Variants in CSTF3 observed in about 807,000 individuals in gnomAD.
CSTF3 encodes the protein CF-1 77 kDa subunit.
A neutral mutation model predicts 105.8 loss-of-function variants in CSTF3; 29 were observed. The observed-to-expected ratio is 0.27, with a 90% CI of 0.20 to 0.37. The LOEUF (loss-of-function observed/expected upper bound fraction) is 0.37, where lower values mean the gene tolerates loss of function less well. Among genes scored for constraint, CSTF3 ranks in the 10% least tolerant of loss-of-function variants. The pLI is 1.00. For synonymous variants in CSTF3, 252 were observed against 281.9 expected (o/e 0.89, Z 1.06); for missense variants, 357 against 879.3 (o/e 0.41, Z 7.51).
chr11:33,095,830 A>ATAAATAAC (rs1855217563), intron 15 of CSTF3, among the ~76,000 whole-genome samples: 1 of 150,722 alleles, frequency 6.6e-6, no homozygotes, highest in African/African-American at 2.4e-5. Flanking sequence ...AAATAAATAA[A>ATAAATAAC]TAAATAAATA....
At position 33,099,562 on chromosome 11, in the gene CSTF3, C is replaced by T. The variant is rs1037013340; in HGVS notation, c.936+46G>A. ...ATTTTTCAGTAAATAATTGCTATAT[C>T]AAAACCACAAAAATATCAAAGTGGG... On this transcript the variant is annotated intron_variant, in intron 11 of 20. Transcript: ENST00000323959. The surrounding 1 kb of genome is among the most constrained non-coding windows in gnomAD (Gnocchi z 4.1). 6.9e-6 allele frequency: 9 copies of T among 1,302,298 alleles called. No homozygotes were observed. Among genetic ancestry groups the T allele is most frequent in the Non-Finnish European group, 8.7e-6 (8 of 921,982 alleles). The allele number at this position is 1,302,298 out of a possible 1,614,324, so 80.7% of individuals were successfully genotyped here.
chr11:33,112,264 A>C (rs1239099620), intron 3 of CSTF3, among the ~76,000 whole-genome samples: 1 of 152,164 alleles, frequency 6.6e-6, no homozygotes, highest in Non-Finnish European at 1.5e-5. Flanking sequence ...GGAAAAAAAA[A>C]AAAAATCATC....
At chr11:33,140,633 T>C (rs1486774381) in intron 3 of CSTF3, among the ~76,000 whole-genome samples, 1 of 152,114 alleles carries the variant, frequency 6.6e-6, no homozygotes, top group African/African-American at 2.4e-5. Context: ...TATTCAGTAC[T>C]GCTGATGACC....
chr11:33,153,603 A>G (rs939684580), intron 1 of CSTF3, among the ~76,000 whole-genome samples: 2 of 151,994 alleles, frequency 1.3e-5, no homozygotes, highest in Non-Finnish European at 2.9e-5. Context: ...ACGCCAATGC[A>G]CTGCAGCCTG....
chr11:33,137,479 T>C (rs1200271485), intron 3 of CSTF3, among the ~76,000 whole-genome samples: 4 of 151,814 alleles, frequency 2.6e-5, no homozygotes, highest in African/African-American at 9.7e-5. Flanking sequence ...TGGAATCAGA[T>C]AATTCAATAA....
In CSTF3 at chr11:33,084,765, A is replaced by AAAAT; in HGVS notation, c.*318_*321dup. Reference sequence around the variant, plus strand: ...TACAATCATAAGCCATCCAGTTTTTAAAATAAAACTGTTGAAAAACTCACA... The same window carrying AAAAT: ...TACAATCATAAGCCATCCAGTTTTTAAAATAAATAAAACTGTTGAAAAACTCACA... On this transcript the variant is annotated 3_prime_UTR_variant, in exon 21 of 21. Transcript: ENST00000323959. 1 of 309,398 alleles carries AAAAT rather than the reference A, an allele frequency of 3.2e-6. No individual in the cohort carries two copies. Among genetic ancestry groups the AAAAT allele is most frequent in the Non-Finnish European group, 6.1e-6 (1 of 163,836 alleles). The allele number at this position is 309,398 out of a possible 1,614,324, so 19.2% of individuals were successfully genotyped here. A position where few individuals can be genotyped will look rare whatever the true frequency, so the allele number is the denominator to read the frequency against.
At chr11:33,154,183 G>GA (rs1286676614) in intron 1 of CSTF3, among the ~76,000 whole-genome samples, 1 of 152,134 alleles carries the variant, frequency 6.6e-6, no homozygotes, top group East Asian at 1.9e-4. Context: ...CAGCCCCACT[G>GA]AACAGTTAGG....
At chr11:33,108,309 T>G (rs1212533295) in intron 4 of CSTF3, 77 bp downstream of exon 4, 17 of 1,228,118 alleles carry the variant, frequency 1.4e-5, no homozygotes, top group Middle Eastern at 2.0e-4. Context: ...ATTATTAACA[T>G]TTTACTACAT....
At chr11:33,128,808 C>G (rs576281283) in intron 3 of CSTF3, among the ~76,000 whole-genome samples, 1 of 152,242 alleles carries the variant, frequency 6.6e-6, no homozygotes, top group Non-Finnish European at 1.5e-5. Flanking sequence ...AATCATCAAG[C>G]TAAAATTGTT....
chr11:33,142,493 A>G (rs1855725341), intron 1 of CSTF3, among the ~76,000 whole-genome samples: 1 of 152,192 alleles, frequency 6.6e-6, no homozygotes, highest in Non-Finnish European at 1.5e-5. Flanking sequence ...TGTAATCAGA[A>G]GTAACTTGCA....
chr11:33,131,730 T>C (rs1343035953), intron 3 of CSTF3, among the ~76,000 whole-genome samples: 1 of 150,828 alleles, frequency 6.6e-6, no homozygotes, highest in Non-Finnish European at 1.5e-5. Flanking sequence ...CGGGCGCCTG[T>C]AGTCCCAGCT....
intron 3 of CSTF3, among the ~76,000 whole-genome samples, chr11:33,121,053 C>T (rs773397423): frequency 3.3e-5 from 5 of 151,978 alleles, no homozygotes; most frequent in African/African-American, 9.7e-5. Flanking sequence ...ACACCCAAAT[C>T]AATTCCATTT....
intron 5 of CSTF3, among the ~76,000 whole-genome samples, chr11:33,107,471 T>C (rs1451898081): frequency 1.3e-5 from 2 of 152,102 alleles, no homozygotes; most frequent in East Asian, 3.8e-4. Context: ...GGGAGGTGGG[T>C]ATAATTCGGA....
At chr11:33,127,094 G>A (rs1327713267) in intron 3 of CSTF3, among the ~76,000 whole-genome samples, 2 of 152,172 alleles carry the variant, frequency 1.3e-5, no homozygotes, top group Admixed American at 6.5e-5. Flanking sequence ...CCCTAAGGGA[G>A]GAATGTCTGG....
chr11:33,121,371 A>G (rs1260415196), intron 3 of CSTF3, among the ~76,000 whole-genome samples: 6 of 152,120 alleles, frequency 3.9e-5, no homozygotes, highest in Non-Finnish European at 8.8e-5. Context: ...AAAATCTACT[A>G]GATTTTAAAA....
At chr11:33,117,373 A>G (rs1258918242) in intron 3 of CSTF3, among the ~76,000 whole-genome samples, 1 of 152,050 alleles carries the variant, frequency 6.6e-6, no homozygotes, top group African/African-American at 2.4e-5. Context: ...GGATCTGGCA[A>G]TAAGAAACTC....
chr11:33,086,497 G>C (rs1472233908), intron 18 of CSTF3, among the ~76,000 whole-genome samples: 2 of 151,624 alleles, frequency 1.3e-5, no homozygotes, highest in African/African-American at 2.4e-5. Context: ...GAGTGCAATG[G>C]CACCATCTTG....
Position 33,099,253 on chromosome 11 carries a change from G to C in CSTF3, c.937-103C>G. On this transcript the variant is annotated intron_variant, in intron 11 of 20. Transcript: ENST00000323959. This position sits in a 1 kb window ranked among gnomAD's most constrained non-coding sequence, Gnocchi z 4.1. ...TACTTTATTTTATTTATGTGTCTAA[G>C]AAAGCATACATGTATGTACACACAT... is the stretch of plus-strand genomic sequence containing the variant. 1 of 1,367,992 alleles carries C rather than the reference G, an allele frequency of 7.3e-7. No homozygotes were observed. Among genetic ancestry groups the C allele is most frequent in the Non-Finnish European group, 9.9e-7 (1 of 1,009,004 alleles). The allele number at this position is 1,367,992 out of a possible 1,614,324, so 84.7% of individuals were successfully genotyped here.
chr11:33,154,491 C>CTTTTTTT (rs34462847), intron 1 of CSTF3, among the ~76,000 whole-genome samples: 2 of 60,894 alleles, frequency 3.3e-5, no homozygotes, highest in Non-Finnish European at 4.9e-5. Context: ...GTAAGACTTT[C>CTTTTTTT]TTTTTTTTTT....
Sources: allele counts gnomAD v4.1 joint callset (sites outside exome capture counted in the v4.1 genomes callset), GRCh38; gene constraint gnomAD v4.1.1; non-coding constraint Gnocchi (gnomAD v3.1); transcripts MANE v1.5; gene names NCBI Gene and HGNC (gene_info 2026-07-23, HGNC 2026-07-21).